The following PDE6C variants were observed in gnomAD, a reference collection of about 807,000 sequenced individuals.
The protein encoded by PDE6C is cone cGMP-specific 3',5'-cyclic phosphodiesterase subunit alpha'.
In PDE6C, 75 loss-of-function variants were observed where a neutral mutation model predicts 113.1. That is an observed-to-expected ratio of 0.66 (90% CI 0.55 to 0.80). The LOEUF (loss-of-function observed/expected upper bound fraction) is 0.80. Ranked by LOEUF, PDE6C falls within the 30% of genes least tolerant of loss-of-function variation. PDE6C has a pLI of 0.00. For synonymous variants in PDE6C, 375 were observed against 363.7 expected (o/e 1.03, Z -0.35); for missense variants, 912 against 1,038.6 (o/e 0.88, Z 1.67).
rs2058524531 is a variant in PDE6C, at chr10:93,635,555, A to G, written c.1328A>G (p.Asn443Ser). The change falls in exon 10 of 22, where the codon AAT becomes AGT. Residue 443 changes from asparagine to serine, a missense_variant. Transcript: ENST00000371447. ...AATACTGACACCTACGATAAGATGA[A>G]TAAGCTAGAAAACAGAAAGGACATT... ...LLNTDTYDKM[N>S]KLENRKDIAQ... The G allele has an allele frequency of 7.4e-6, 12 of 1,613,264 alleles. No individual in the cohort carries two copies. Among genetic ancestry groups the G allele is most frequent in the Middle Eastern group, 1.7e-4 (1 of 6,058 alleles).
intron 13 of PDE6C, among the ~76,000 whole-genome samples, 180 bp downstream of exon 13, chr10:93,640,737 C>T (rs984075064): frequency 1.3e-5 from 2 of 152,126 alleles, no homozygotes; most frequent in Non-Finnish European, 1.5e-5. Flanking sequence ...TTCAGACATT[C>T]ACACACTTAC....
chr10:93,613,613 A>G (rs1200709964), intron 1 of PDE6C, among the ~76,000 whole-genome samples: 2 of 152,206 alleles, frequency 1.3e-5, no homozygotes, highest in Non-Finnish European at 2.9e-5. Flanking sequence ...CCAGATGCCA[A>G]GACTTGTGAA....
Position 93,645,988 on chromosome 10 carries a change from G to C in PDE6C, c.1876G>C (p.Gly626Arg). The C allele has an allele frequency of 6.2e-7, 1 of 1,608,450 alleles. No homozygotes were observed. The highest frequency in any genetic ancestry group is 8.5e-7 in the Non-Finnish European group (1 of 1,175,076). The change falls in exon 15 of 22, where the codon GGT becomes CGT. Residue 626 changes from glycine (G) to arginine (R), a missense_variant. Transcript: ENST00000371447. ...CACGTCTCCATTAGCAAGACTTCAT[G>C]GTTCTTCTATTTTGGAGAGGCACCA... Reference protein sequence around the residue: ...KSTSPLARLHGSSILERHHLE... With the variant: ...KSTSPLARLHRSSILERHHLE...
intron 15 of PDE6C, among the ~76,000 whole-genome samples, chr10:93,651,606 G>A (rs987989131): frequency 2.0e-5 from 3 of 152,236 alleles, no homozygotes; most frequent in Non-Finnish European, 2.9e-5. Flanking sequence ...ATTACAATTC[G>A]AGATGAGATT....
rs778316596 is a variant in PDE6C at position 93,634,749 on chromosome 10, C to T, written c.1120-9C>T. 8 of 1,613,796 alleles carry T rather than the reference C, an allele frequency of 5.0e-6. No individual in the cohort carries two copies. Among genetic ancestry groups the T allele is most frequent in the Admixed American group, 3.3e-5 (2 of 60,012 alleles). On this transcript the variant is annotated splice_polypyrimidine_tract_variant and intron_variant, in intron 8 of 21. Transcript: ENST00000371447. ...AAAAAAATAACTTGAGGTCCCTTCT[C>T]GTTTGTAGAAAGGACCTGTAGACGA...
chr10:93,635,949 C>T (rs143985836), intron 10 of PDE6C, among the ~76,000 whole-genome samples: 9 of 152,294 alleles, frequency 5.9e-5, no homozygotes, highest in Admixed American at 5.9e-4. Flanking sequence ...TCATATAATG[C>T]TGCATAACAA....
chr10:93,636,937 A>G (rs2058535943), intron 10 of PDE6C, 58 bp from the exon 11 acceptor site: 1 of 892,766 alleles, frequency 1.1e-6, no homozygotes, highest in Non-Finnish European at 1.9e-6. Context: ...TAGTAGAGGA[A>G]TCAGATGGAA....
At position 93,626,804 on chromosome 10, in the gene PDE6C, G is replaced by C; in HGVS notation, c.1005-1G>C. On this transcript the variant is annotated splice_acceptor_variant, in intron 6 of 21. Transcript: ENST00000371447. LOFTEE classifies it high-confidence loss of function. ...TGATTTTTTTTCTTCTCTTCCCCAA[G>C]GACGCCTCCTGCAGACCACTGGACA... The C allele has an allele frequency of 6.2e-7, 1 of 1,613,810 alleles. No individual in the cohort carries two copies. Among genetic ancestry groups the C allele is most frequent in the Non-Finnish European group, 8.5e-7 (1 of 1,179,860 alleles).
intron 18 of PDE6C, among the ~76,000 whole-genome samples, chr10:93,659,775 A>C (rs1466669723): frequency 1.3e-5 from 2 of 152,202 alleles, no homozygotes; most frequent in African/African-American, 4.8e-5. Context: ...ATTCAAGATG[A>C]GATTTGTGTG....
chr10:93,629,695 A>C (rs1032103674), intron 8 of PDE6C, among the ~76,000 whole-genome samples: 1 of 152,150 alleles, frequency 6.6e-6, no homozygotes, highest in Non-Finnish European at 1.5e-5. Flanking sequence ...TTAGATTCTC[A>C]TAAGGACGGC....
intron 4 of PDE6C, 65 bp downstream of exon 4, chr10:93,622,137 T>C: frequency 6.8e-7 from 1 of 1,459,908 alleles, no homozygotes; most frequent in Non-Finnish European, 9.6e-7. Context: ...CCACAGGAAA[T>C]GTGATCCTTA....
chr10:93,662,517 A>C (rs778134756), intron 19 of PDE6C, 43 bp from the exon 20 acceptor site: 1 of 922,226 alleles, frequency 1.1e-6, no homozygotes, highest in Non-Finnish European at 1.8e-6. Flanking sequence ...TTTTGTTCAT[A>C]CATCTTAGAA....
rs1468772608 is a variant in PDE6C, at chr10:93,635,635, A to G, written c.1408A>G (p.Ile470Val). The G allele has an allele frequency of 9.9e-6, 16 of 1,613,912 alleles. No homozygotes were observed. Among genetic ancestry groups the G allele is most frequent in the Non-Finnish European group, 4.2e-6 (5 of 1,179,802 alleles). ...AGCCACTCCTGAAGAAATTAAGTCC[A>G]TTTTGGTAAGTGGGAAATTCAGTCC... ...TKATPEEIKSILKFQEKLNVD... is the reference protein window; with the variant it reads ...TKATPEEIKSVLKFQEKLNVD... The change falls in exon 10 of 22, where the codon ATT (isoleucine) becomes GTT (valine). Residue 470 changes from isoleucine to valine, a missense_variant. By Grantham distance (29) the Ile-to-Val change is conservative. Transcript: ENST00000371447.
intron 3 of PDE6C, 104 bp downstream of exon 3, chr10:93,621,084 C>T (rs1017186643): frequency 1.1e-6 from 1 of 891,248 alleles, no homozygotes; most frequent in South Asian, 1.3e-5. Context: ...GGGTGTAAGC[C>T]ACGTGGAACA....
Position 93,625,605 on chromosome 10 carries a change from G to A in PDE6C, c.895G>A (p.Gly299Arg). The A allele has an allele frequency of 6.2e-7, 1 of 1,613,732 alleles. No individual in the cohort carries two copies. Among genetic ancestry groups the A allele is most frequent in the Non-Finnish European group, 8.5e-7 (1 of 1,179,632 alleles). Residue 299 changes from glycine (G) to arginine (R), a missense_variant, in exon 5 of 22, where the codon GGA (glycine) becomes AGA (arginine). Transcript: ENST00000371447. Reference protein sequence around the residue: ...EFYDEWPIKLGEVEPYKGPKT... With the variant: ...EFYDEWPIKLREVEPYKGPKT... Reference sequence around the variant, plus strand: ...CTACGATGAATGGCCAATCAAGCTTGGAGAAGTAGAGCCTTATAAAGGTCC... The same window carrying A: ...CTACGATGAATGGCCAATCAAGCTTAGAGAAGTAGAGCCTTATAAAGGTCC...
chr10:93,652,268 A>C (rs1209139490), intron 15 of PDE6C, among the ~76,000 whole-genome samples: 1 of 152,236 alleles, frequency 6.6e-6, no homozygotes, highest in Admixed American at 6.5e-5. Flanking sequence ...TCTAGCAACT[A>C]ATACAAAAAC....
At chr10:93,659,411 A>C (rs966722893) in intron 18 of PDE6C, among the ~76,000 whole-genome samples, 3 of 152,216 alleles carry the variant, frequency 2.0e-5, no homozygotes, top group Admixed American at 1.3e-4. Context: ...AAAATTATCC[A>C]AGAAATGTCT....
intron 15 of PDE6C, among the ~76,000 whole-genome samples, chr10:93,646,912 T>C (rs530732422): frequency 8.5e-5 from 13 of 152,292 alleles, no homozygotes; most frequent in African/African-American, 2.9e-4. Context: ...CACTGAGCCA[T>C]GCTCTGAGAG....
intron 16 of PDE6C, among the ~76,000 whole-genome samples, chr10:93,657,679 CAT>C (rs1464522496): frequency 6.6e-6 from 1 of 152,118 alleles, no homozygotes; most frequent in Non-Finnish European, 1.5e-5. Context: ...GTCTTCTATT[CAT>C]AGACATTTCA....
Sources: gnomAD v4.1 joint callset for allele counts (sites outside exome capture counted in the v4.1 genomes callset) on GRCh38, gnomAD v4.1.1 for gene constraint, MANE v1.5 for transcripts, NCBI Gene and HGNC (gene_info 2026-07-23, HGNC 2026-07-21) for gene names.